The following USH2A variants were observed in gnomAD, a reference collection of about 807,000 sequenced individuals.
USH2A encodes the protein Usher syndrome 2A (autosomal recessive, mild).
In USH2A, 443 loss-of-function variants were observed where a neutral mutation model predicts 538.9. The ratio of observed to expected loss-of-function variants is 0.82; its 90% CI spans 0.76 to 0.89. USH2A has a LOEUF of 0.89. Ranked by LOEUF, USH2A falls within the 40% of genes least tolerant of loss-of-function variation. USH2A has a pLI of 0.00. For missense variants in USH2A, 6,633 were observed against 6,324.8 expected, an observed-to-expected ratio of 1.05 and a Z score of -1.65; for synonymous variants, 2,413 against 2,273.5, an observed-to-expected ratio of 1.06 and a Z score of -1.75.
At chr1:215,908,927 C>G (rs1295402809) in intron 38 of USH2A, among the ~76,000 whole-genome samples, 1 of 150,812 alleles carries the variant, frequency 6.6e-6, no homozygotes, top group Non-Finnish European at 1.5e-5. Context: ...GAGTGGTCCA[C>G]TTCCCAGTAT....
At chr1:215,930,774 G>A (rs1007780969) in intron 38 of USH2A, among the ~76,000 whole-genome samples, 7 of 151,996 alleles carry the variant, frequency 4.6e-5, no homozygotes, top group African/African-American at 7.2e-5. Context: ...CCCATTAAGC[G>A]TTGAAATCCT....
Position 215,889,058 on chromosome 1 carries a change from T to C in USH2A, c.7595-4A>G. On this transcript the variant is annotated splice_polypyrimidine_tract_variant and splice_region_variant and intron_variant, in intron 40 of 71. Transcript: ENST00000307340. Reference sequence around the variant, plus strand: ...GGAGGAACTACAGGTCCAGGTTCTGTAAAGTAAAATAAATCCAGAAAGTCA... The same window carrying C: ...GGAGGAACTACAGGTCCAGGTTCTGCAAAGTAAAATAAATCCAGAAAGTCA... 6.2e-7 allele frequency: 1 copy of C among 1,613,094 alleles called. No homozygotes were observed. Among genetic ancestry groups the C allele is most frequent in the East Asian group, 2.2e-5 (1 of 44,828 alleles).
intron 44 of USH2A, among the ~76,000 whole-genome samples, chr1:215,852,926 C>T (rs1452582789): frequency 6.6e-6 from 1 of 152,168 alleles, no homozygotes; most frequent in Non-Finnish European, 1.5e-5. Flanking sequence ...TTGGCATTGT[C>T]TGTGCTTTTC....
At chr1:216,326,159 C>G (rs1443766060) in intron 5 of USH2A, among the ~76,000 whole-genome samples, 1 of 152,226 alleles carries the variant, frequency 6.6e-6, no homozygotes, top group Non-Finnish European at 1.5e-5. Flanking sequence ...TCATTGGCTT[C>G]AGATCATATG....
intron 21 of USH2A, among the ~76,000 whole-genome samples, chr1:216,169,716 T>C (rs2034242446): frequency 6.6e-6 from 1 of 152,152 alleles, no homozygotes; most frequent in African/African-American, 2.4e-5. Flanking sequence ...CAGCAGAGTT[T>C]TGTCACTGCC....
At chr1:216,168,499 G>T (rs933602971) in intron 21 of USH2A, among the ~76,000 whole-genome samples, 1 of 152,096 alleles carries the variant, frequency 6.6e-6, no homozygotes, top group African/African-American at 2.4e-5. Flanking sequence ...CTGGGCAAAG[G>T]TTGACCTAAC....
At chr1:215,950,287 C>CTATAGTATA (rs1407674694) in intron 37 of USH2A, among the ~76,000 whole-genome samples, 14 of 152,158 alleles carry the variant, frequency 9.2e-5, no homozygotes, top group Admixed American at 7.9e-4. Flanking sequence ...CACATCTATA[C>CTATAGTATA]TATAGTATAT....
intron 61 of USH2A, among the ~76,000 whole-genome samples, chr1:215,687,309 C>G (rs185286537): frequency 6.6e-6 from 1 of 151,826 alleles, no homozygotes; most frequent in African/African-American, 2.4e-5. Context: ...CACTTTAATG[C>G]TTTTACTCCA....
At chr1:215,827,487 C>A (rs934037251) in intron 47 of USH2A, among the ~76,000 whole-genome samples, 2 of 152,132 alleles carry the variant, frequency 1.3e-5, no homozygotes. Flanking sequence ...GCCCAATATT[C>A]TCTTTTCTAT....
At chr1:215,832,817 A>G (rs1368786478) in intron 47 of USH2A, among the ~76,000 whole-genome samples, 3 of 151,926 alleles carry the variant, frequency 2.0e-5, no homozygotes, top group Non-Finnish European at 4.4e-5. Context: ...GAAGATCTAT[A>G]TAGACTAGGG....
intron 40 of USH2A, among the ~76,000 whole-genome samples, chr1:215,895,942 C>G (rs894740667): frequency 6.6e-6 from 1 of 152,170 alleles, no homozygotes; most frequent in African/African-American, 2.4e-5. Flanking sequence ...ATACTGTAGG[C>G]ATTTGTCACA....
At chr1:216,015,158 G>A (rs546670354) in intron 32 of USH2A, among the ~76,000 whole-genome samples, 1 of 152,232 alleles carries the variant, frequency 6.6e-6, no homozygotes, top group East Asian at 1.9e-4. Context: ...GAGCAATATA[G>A]GTAGCACTGA....
At chr1:215,684,068 A>G (rs542255624) in intron 61 of USH2A, among the ~76,000 whole-genome samples, 1 of 152,328 alleles carries the variant, frequency 6.6e-6, no homozygotes, top group South Asian at 2.1e-4. Flanking sequence ...TTGCAATCTA[A>G]TATCTTCAAT....
At chr1:216,365,539 T>A (rs893976985) in intron 3 of USH2A, among the ~76,000 whole-genome samples, 1 of 152,184 alleles carries the variant, frequency 6.6e-6, no homozygotes, top group African/African-American at 2.4e-5. Flanking sequence ...TTTCTTGAAT[T>A]TACTGTCTTG....
chr1:215,878,741 A>C, intron 42 of USH2A, 23 bp downstream of exon 42: 1 of 1,611,310 alleles, frequency 6.2e-7, no homozygotes, highest in Non-Finnish European at 8.5e-7. Flanking sequence ...AGCAACATAA[A>C]AATCATAGTC....
At chr1:216,190,577 A>G (rs995896518) in intron 19 of USH2A, among the ~76,000 whole-genome samples, 10 of 151,736 alleles carry the variant, frequency 6.6e-5, no homozygotes, top group Non-Finnish European at 1.3e-4. Context: ...TTTATGAGGT[A>G]ATAATCCAGT....
chr1:216,011,651 G>A (rs902939437), intron 32 of USH2A, among the ~76,000 whole-genome samples: 3 of 152,110 alleles, frequency 2.0e-5, no homozygotes, highest in Non-Finnish European at 4.4e-5. Flanking sequence ...TGCAGCGGCT[G>A]CTGCAGCCCT....
rs1019715688 is a variant in USH2A, at chr1:215,984,760, T to C, written c.6805+8260A>G. ...TAGTGTGTCATAAAAATAACATGTG[T>C]AGTGAATATAGATGCTCCAAACATA... On this transcript the variant is annotated intron_variant, in intron 35 of 71. Coordinates refer to ENST00000307340, the MANE Select transcript of USH2A (RefSeq NM_206933.4). 2.6e-5 allele frequency among the ~76,000 whole-genome samples: 4 copies of C among 152,302 alleles called. 1 individual carries two copies. The highest frequency in any genetic ancestry group is 4.2e-4 in the South Asian group (2 of 4,818).
At chr1:216,250,864 T>C in intron 12 of USH2A, 39 bp downstream of exon 12, 2 of 1,600,320 alleles carry the variant, frequency 1.2e-6, no homozygotes, top group South Asian at 2.2e-5. Flanking sequence ...TTCCAGATGG[T>C]AATAGAGATG....
Sources: gnomAD v4.1 joint callset for allele counts (sites outside exome capture counted in the v4.1 genomes callset) on GRCh38, gnomAD v4.1.1 for gene constraint, MANE v1.5 for transcripts, NCBI Gene and HGNC (gene_info 2026-07-23, HGNC 2026-07-21) for gene names.